The following SLC25A21 variants were observed in gnomAD, a reference collection of about 807,000 sequenced individuals.
SLC25A21 encodes mitochondrial 2-oxodicarboxylate carrier.
SLC25A21 carries 47 observed loss-of-function variants against 43.8 expected under a neutral mutation model. That is an observed-to-expected ratio of 1.07 (90% CI 0.85 to 1.37). SLC25A21 has a LOEUF of 1.37. Among genes scored for constraint, SLC25A21 ranks in the 40% most tolerant of loss-of-function variants. SLC25A21 has a pLI of 0.00. For missense variants in SLC25A21, 352 were observed against 350.2 expected (o/e 1.00, Z -0.04); for synonymous variants, 131 against 121.3 (o/e 1.08, Z -0.52).
intron 1 of SLC25A21, among the ~76,000 whole-genome samples, chr14:36,940,552 T>C (rs1892531222): frequency 6.6e-6 from 1 of 152,090 alleles, no homozygotes; most frequent in South Asian, 2.1e-4. Context: ...TTAATTGCCA[T>C]ATATAGTTAA....
In SLC25A21 at chr14:36,875,992, G is replaced by C. The variant is rs556312017; in HGVS notation, c.71-988C>G. Among the ~76,000 whole-genome samples the C allele has an allele frequency of 2.6e-5, 4 of 152,234 alleles. No homozygotes were observed. The South Asian group carries it at 6.2e-4, about 24-fold the overall frequency. On this transcript the variant is annotated intron_variant, in intron 1 of 9. Transcript: ENST00000331299. ...TGGTCATTTAACATACACGGTCACTGATATGCACAACGAATGGACAAGGTA... is the reference window on the plus strand; with the variant it reads ...TGGTCATTTAACATACACGGTCACTCATATGCACAACGAATGGACAAGGTA...
chr14:37,033,898 G>C (rs1048291128), intron 1 of SLC25A21, among the ~76,000 whole-genome samples: 6 of 152,074 alleles, frequency 3.9e-5, no homozygotes, highest in Non-Finnish European at 8.8e-5. Flanking sequence ...GGTTTATTTT[G>C]GTAATGGATT....
intron 6 of SLC25A21, among the ~76,000 whole-genome samples, chr14:36,717,462 C>T (rs572050964): frequency 6.6e-6 from 1 of 152,320 alleles, no homozygotes; most frequent in South Asian, 2.1e-4. Flanking sequence ...AAAACCCCTC[C>T]CAGATACCGA....
chr14:36,855,731 C>T (rs562238468), intron 2 of SLC25A21, among the ~76,000 whole-genome samples: 12 of 152,286 alleles, frequency 7.9e-5, no homozygotes, highest in African/African-American at 2.6e-4. Flanking sequence ...GAGCAACTCT[C>T]TAAATACAGC....
chr14:36,939,387 G>A (rs1892502540), intron 1 of SLC25A21, among the ~76,000 whole-genome samples: 1 of 151,998 alleles, frequency 6.6e-6, no homozygotes, highest in African/African-American at 2.4e-5. Flanking sequence ...CGATTAAATA[G>A]AATATACTCA....
intron 7 of SLC25A21, among the ~76,000 whole-genome samples, chr14:36,692,533 T>G (rs1003074226): frequency 6.6e-6 from 1 of 152,230 alleles, no homozygotes. Context: ...CTCTGACACC[T>G]GGCTTCGTTA....
intron 6 of SLC25A21, among the ~76,000 whole-genome samples, chr14:36,719,561 G>C (rs1243228691): frequency 6.6e-6 from 1 of 152,158 alleles, no homozygotes; most frequent in African/African-American, 2.4e-5. Flanking sequence ...TTACAGACTG[G>C]TTTTCTTTAT....
chr14:36,678,202 A>AAAC lies in SLC25A21; in HGVS notation c.*2453_*2455dup. 2.1e-6 allele frequency: 1 copy of AAAC among 482,668 alleles called. No homozygotes were observed. The highest frequency in any genetic ancestry group is 3.3e-5 in the East Asian group (1 of 30,760). The allele number at this position is 482,668 out of a possible 1,614,324, so 29.9% of individuals were successfully genotyped here. On this transcript the variant is annotated 3_prime_UTR_variant, in exon 10 of 10. Transcript: ENST00000331299. ...CACATCGGTTTCGTGGCTTCGTTTA[A>AAAC]AACTCAGATGGCTAGATTAGTTAGG...
intron 1 of SLC25A21, among the ~76,000 whole-genome samples, chr14:37,048,821 C>A (rs944292328): frequency 3.3e-5 from 5 of 152,080 alleles, no homozygotes; most frequent in African/African-American, 4.8e-5. Context: ...TCAAAGGGAG[C>A]CTTGGATTTA....
chr14:36,715,943 T>C (rs1342349644), intron 6 of SLC25A21, among the ~76,000 whole-genome samples: 7 of 151,912 alleles, frequency 4.6e-5, no homozygotes, highest in Non-Finnish European at 1.0e-4. Context: ...ATACAAAAAG[T>C]AGCTGGGCAT....
chr14:36,956,344 A>C (rs1039452280), intron 1 of SLC25A21, among the ~76,000 whole-genome samples: 8 of 152,314 alleles, frequency 5.3e-5, no homozygotes, highest in Non-Finnish European at 1.0e-4. Context: ...CTGACCAAAA[A>C]ACATGACACC....
chr14:36,995,920 C>T (rs1258614660), intron 1 of SLC25A21, among the ~76,000 whole-genome samples: 1 of 152,188 alleles, frequency 6.6e-6, no homozygotes, highest in African/African-American at 2.4e-5. Context: ...ACCAGGCATT[C>T]ATTTAATCTT....
intron 2 of SLC25A21, among the ~76,000 whole-genome samples, chr14:36,820,334 T>C (rs968280041): frequency 2.0e-5 from 3 of 152,146 alleles, no homozygotes; most frequent in Admixed American, 1.3e-4. Flanking sequence ...ATTTCAGCTA[T>C]CAAAAAGGAG....
At chr14:36,925,318 C>A (rs1290679746) in intron 1 of SLC25A21, among the ~76,000 whole-genome samples, 2 of 151,994 alleles carry the variant, frequency 1.3e-5, no homozygotes, top group Non-Finnish European at 2.9e-5. Flanking sequence ...ATGTAAACCC[C>A]AATTATATGC....
chr14:36,741,224 C>T (rs1196571245), intron 3 of SLC25A21, among the ~76,000 whole-genome samples: 1 of 152,090 alleles, frequency 6.6e-6, no homozygotes, highest in East Asian at 1.9e-4. Flanking sequence ...TTCAAGCAGG[C>T]TGGGAAATTT....
chr14:36,999,929 A>T (rs1435942562), intron 1 of SLC25A21, among the ~76,000 whole-genome samples: 1 of 152,172 alleles, frequency 6.6e-6, no homozygotes, highest in Non-Finnish European at 1.5e-5. Context: ...TGTCATCCCC[A>T]ACAAACCCTG....
At chr14:37,001,426 A>G (rs1323943712) in intron 1 of SLC25A21, among the ~76,000 whole-genome samples, 1 of 152,214 alleles carries the variant, frequency 6.6e-6, no homozygotes, top group Non-Finnish European at 1.5e-5. Flanking sequence ...GAGCAAGTAA[A>G]TGAGTCAGAA....
chr14:36,968,114 T>C (rs1959661294), intron 1 of SLC25A21, among the ~76,000 whole-genome samples: 1 of 152,122 alleles, frequency 6.6e-6, no homozygotes, highest in African/African-American at 2.4e-5. Context: ...AGAAGAGAGC[T>C]TGGCAAATAC....
At chr14:37,019,032 A>G (rs1351598781) in intron 1 of SLC25A21, among the ~76,000 whole-genome samples, 1 of 151,916 alleles carries the variant, frequency 6.6e-6, no homozygotes, top group African/African-American at 2.4e-5. Flanking sequence ...GGTTTCCCTG[A>G]TATTCTTGCC....
Sources: gnomAD v4.1 joint callset for allele counts (sites outside exome capture counted in the v4.1 genomes callset) on GRCh38, gnomAD v4.1.1 for gene constraint, MANE v1.5 for transcripts, NCBI Gene and HGNC (gene_info 2026-07-23, HGNC 2026-07-21) for gene names.